HAS3: variants seen among roughly 807,000 people sequenced by gnomAD.
HAS3 encodes the protein hyaluronan synthase 3, also known as HA synthase 3.
HAS3 carries 27 observed loss-of-function variants against 50.3 expected under a neutral mutation model. The ratio of observed to expected loss-of-function variants is 0.54; its 90% CI spans 0.40 to 0.74. HAS3 has a LOEUF of 0.74. HAS3 is among the 30% of genes least tolerant of loss of function. The probability of loss-of-function intolerance (pLI) is 0.00; values close to 1 mark genes in which losing one functional copy is unlikely to be tolerated. For synonymous variants in HAS3, 339 were observed against 310.9 expected, an observed-to-expected ratio of 1.09 and a Z score of -0.95; for missense variants, 517 against 742.8, an observed-to-expected ratio of 0.70 and a Z score of 3.53.
chr16:69,111,955 C>T (rs546540121), intron 2 of HAS3, among the ~76,000 whole-genome samples: 1 of 152,352 alleles, frequency 6.6e-6, no homozygotes, highest in Admixed American at 6.5e-5. Context: ...TCTTTACAGC[C>T]CTGGGATCAC....
upstream of HAS3, among the ~76,000 whole-genome samples, chr16:69,102,592 G>A (rs1158016195): frequency 6.6e-6 from 1 of 152,172 alleles, no homozygotes; most frequent in African/African-American, 2.4e-5. Context: ...TGCTCCCTAG[G>A]GCAGGCCATT....
the HAS3 span, among the ~76,000 whole-genome samples, chr16:69,099,206 T>C: frequency 2.0e-5 from 3 of 150,582 alleles, no homozygotes; most frequent in Admixed American, 6.6e-5. Flanking sequence ...CTCCTGACCT[T>C]GTGATCTACC....
the HAS3 span, among the ~76,000 whole-genome samples, chr16:69,088,614 A>G: frequency 1.3e-5 from 2 of 151,898 alleles, no homozygotes; most frequent in African/African-American, 2.4e-5. Context: ...GAGAGATGCT[A>G]TGGAGAAAAT....
chr16:69,089,342 G>A, the HAS3 span, among the ~76,000 whole-genome samples: 4 of 152,242 alleles, frequency 2.6e-5, no homozygotes, highest in Admixed American at 2.0e-4. Flanking sequence ...CTAAAATCTC[G>A]GCCAGAATTT....
chr16:69,107,597 C>G lies in HAS3; in HGVS notation c.1-1799C>G. The G allele has an allele frequency of 6.1e-6, 6 of 985,442 alleles. No individual in the cohort carries two copies. The highest frequency in any genetic ancestry group is 7.2e-6 in the Non-Finnish European group (6 of 829,912). 61.0% of individuals were successfully genotyped at this position (985,442 alleles called of 1,614,324 possible). On this transcript the variant is annotated intron_variant, in intron 1 of 3. Transcript: ENST00000569188. The surrounding 1 kb of genome is among the most constrained non-coding windows in gnomAD (Gnocchi z 5.5). ...CGCCGCCTCCGGCACTGCACCGAGG[C>G]GGGGCGCCAGCGCCCAGGTTGCTGG...
chr16:69,112,100 C>A lies in HAS3; in HGVS notation c.637-1341C>A, dbSNP rs566359604. Among the ~76,000 whole-genome samples the A allele has an allele frequency of 5.9e-5, 9 of 152,362 alleles. No individual in the cohort carries two copies. The Middle Eastern group carries it at 0.01, about 173-fold the overall frequency. ...AGCCAGTGGGGAAACCCAGGCAGCA[C>A]GAGAGCTCTTCTTTCCCTAACCTTG... On this transcript the variant is annotated intron_variant, in intron 2 of 3. Coordinates refer to ENST00000569188, the MANE Select transcript of HAS3 (RefSeq NM_001199280.2).
chr16:69,111,298 C>G (rs531803261), intron 2 of HAS3, among the ~76,000 whole-genome samples: 1 of 150,774 alleles, frequency 6.6e-6, no homozygotes, highest in African/African-American at 2.4e-5. Context: ...TCTTGAACTC[C>G]TGACCTCAGC....
chr16:69,099,921 G>A, the HAS3 span, among the ~76,000 whole-genome samples: 1 of 152,040 alleles, frequency 6.6e-6, no homozygotes, highest in Non-Finnish European at 1.5e-5. Context: ...CTCCAGGTCT[G>A]ATTTGATATT....
intron 2 of HAS3, 75 bp downstream of exon 2, chr16:69,110,106 C>T: frequency 7.0e-7 from 1 of 1,430,518 alleles, no homozygotes; most frequent in South Asian, 1.3e-5. Flanking sequence ...CGCCAAGAAT[C>T]TGAGGTCTGG....
At chr16:69,101,973 A>G (rs1426743692), upstream of HAS3, among the ~76,000 whole-genome samples, 2 of 151,994 alleles carry the variant, frequency 1.3e-5, no homozygotes, top group East Asian at 1.9e-4. Flanking sequence ...TTTAGCGGAG[A>G]CAGGGTTTCA....
At chr16:69,110,585 C>G (rs1960967778) in intron 2 of HAS3, among the ~76,000 whole-genome samples, 1 of 152,136 alleles carries the variant, frequency 6.6e-6, no homozygotes, top group Admixed American at 6.6e-5. Flanking sequence ...GCACCCAGCT[C>G]CATGTTAGCC....
At chr16:69,111,837 T>C (rs947124246) in intron 2 of HAS3, among the ~76,000 whole-genome samples, 2 of 152,192 alleles carry the variant, frequency 1.3e-5, no homozygotes, top group Non-Finnish European at 1.5e-5. Flanking sequence ...CTTTGTCATC[T>C]ATTCCCTTCA....
At chr16:69,091,387 A>C in the HAS3 span, among the ~76,000 whole-genome samples, 2 of 152,320 alleles carry the variant, frequency 1.3e-5, no homozygotes, top group East Asian at 3.9e-4. Flanking sequence ...TGATTCTCAG[A>C]CATAACTTTG....
upstream of HAS3, among the ~76,000 whole-genome samples, chr16:69,103,079 T>A (rs1960713771): frequency 6.6e-6 from 1 of 151,016 alleles, no homozygotes; most frequent in African/African-American, 2.4e-5. Flanking sequence ...CTTAAAAAAA[T>A]TAGGAGATTT....
chr16:69,106,019 C>G lies in HAS3; in HGVS notation c.-1+232C>G, dbSNP rs1438548804. On this transcript the variant is annotated intron_variant, in intron 1 of 3. Transcript: ENST00000569188. The surrounding 1 kb of genome is among the most constrained non-coding windows in gnomAD (Gnocchi z 5.5). ...GAGGGCGCAGGGGCTGCGAGTCTTGCGAGCCGGAGCCGCGTCCACCCGGGA... is the reference window on the plus strand; with the variant it reads ...GAGGGCGCAGGGGCTGCGAGTCTTGGGAGCCGGAGCCGCGTCCACCCGGGA... Among the ~76,000 whole-genome samples the G allele has an allele frequency of 6.6e-6, 1 of 152,174 alleles. No homozygotes were observed. Among genetic ancestry groups the G allele is most frequent in the African/African-American group, 2.4e-5 (1 of 41,448 alleles).
the HAS3 span, among the ~76,000 whole-genome samples, chr16:69,090,450 C>G: frequency 6.6e-6 from 1 of 152,146 alleles, no homozygotes; most frequent in East Asian, 1.9e-4. Context: ...TCTCTGTCAC[C>G]CAGGCTGGAG....
chr16:69,087,914 G>T, the HAS3 span, among the ~76,000 whole-genome samples: 1 of 151,072 alleles, frequency 6.6e-6, no homozygotes, highest in Non-Finnish European at 1.5e-5. Flanking sequence ...ATGTTAGCCA[G>T]GCTGGTCTCC....
At position 69,115,412 on chromosome 16, in the gene HAS3, G is replaced by T; in HGVS notation, c.*146G>T. On this transcript the variant is annotated 3_prime_UTR_variant, in exon 4 of 4. Transcript: ENST00000569188. ...GGACAAATCTAAAATGCAAAGAACGGTGATGTAGTATGGCCTGACAGCTCT... is the reference window on the plus strand; with the variant it reads ...GGACAAATCTAAAATGCAAAGAACGTTGATGTAGTATGGCCTGACAGCTCT... 1 of 1,383,852 alleles carries T rather than the reference G, an allele frequency of 7.2e-7. No individual in the cohort carries two copies. 85.7% of individuals were successfully genotyped at this position (1,383,852 alleles called of 1,614,324 possible).
chr16:69,117,400 T>C lies in HAS3; in HGVS notation c.*2134T>C, dbSNP rs1011326877. On this transcript the variant is annotated 3_prime_UTR_variant, in exon 4 of 4. Coordinates refer to ENST00000569188, the MANE Select transcript of HAS3 (RefSeq NM_001199280.2). ...TTTGACCTCGACTGGTTTTTCTAAG[T>C]TATTTTGTACATTTTTCAGCAGCAA... 5.1e-6 allele frequency: 5 copies of C among 985,626 alleles called. No homozygotes were observed. In the African/African-American group the frequency reaches 8.7e-5, roughly 17 times the overall value. 61.1% of individuals were successfully genotyped at this position (985,626 alleles called of 1,614,324 possible).
Sources: gnomAD v4.1 joint callset for allele counts (sites outside exome capture counted in the v4.1 genomes callset) on GRCh38, gnomAD v4.1.1 for gene constraint, Gnocchi (gnomAD v3.1) non-coding constraint, MANE v1.5 for transcripts, NCBI Gene and HGNC (gene_info 2026-07-23, HGNC 2026-07-21) for gene names.